The following CCDC146 variants were observed in gnomAD, a reference collection of about 807,000 sequenced individuals.
CCDC146 encodes the protein coiled-coil domain containing 146.
In CCDC146, 92 loss-of-function variants were observed where a neutral mutation model predicts 119.3. That is an observed-to-expected ratio of 0.77 (90% CI 0.65 to 0.92). The LOEUF is 0.92. Ranked by LOEUF, CCDC146 falls within the 40% of genes least tolerant of loss-of-function variation. CCDC146 has a pLI of 0.00. For synonymous variants in CCDC146, 372 were observed against 371.8 expected, an observed-to-expected ratio of 1.00 and a Z score of -0.01; for missense variants, 1,000 against 1,103.0, an observed-to-expected ratio of 0.91 and a Z score of 1.32.
At chr7:77,206,422 C>G (rs1792080757) in intron 2 of CCDC146, among the ~76,000 whole-genome samples, 1 of 151,972 alleles carries the variant, frequency 6.6e-6, no homozygotes. Context: ...TTCAACCAGC[C>G]CGGCCAATGT....
At chr7:77,143,722 T>G (rs909444181) in intron 1 of CCDC146, among the ~76,000 whole-genome samples, 2 of 151,696 alleles carry the variant, frequency 1.3e-5, no homozygotes, top group Non-Finnish European at 2.9e-5. Context: ...GACTGGATAG[T>G]TGTAGATGTG....
intron 2 of CCDC146, among the ~76,000 whole-genome samples, chr7:77,185,079 A>G (rs1289103269): frequency 6.6e-6 from 1 of 152,072 alleles, no homozygotes; most frequent in Non-Finnish European, 1.5e-5. Context: ...TGTAGATAAC[A>G]GAGGCTTTTT....
intron 15 of CCDC146, among the ~76,000 whole-genome samples, chr7:77,284,693 CA>C (rs1793818639): frequency 6.6e-6 from 1 of 150,854 alleles, no homozygotes; most frequent in South Asian, 2.1e-4. Flanking sequence ...AATGTAAATT[CA>C]CTTTTACCCA....
At chr7:77,237,447 T>A (rs1166846253) in intron 3 of CCDC146, among the ~76,000 whole-genome samples, 1 of 152,198 alleles carries the variant, frequency 6.6e-6, no homozygotes, top group Admixed American at 6.5e-5. Flanking sequence ...CAAACTTTGA[T>A]GGCCAGAGAC....
At chr7:77,132,607 C>G (rs1335312538) in intron 1 of CCDC146, among the ~76,000 whole-genome samples, 1 of 149,976 alleles carries the variant, frequency 6.7e-6, no homozygotes, top group Non-Finnish European at 1.5e-5. Context: ...CATGGTGGCA[C>G]ACACCTGTAG....
Position 77,133,689 on chromosome 7 carries a change from G to A in CCDC146, c.-12+10957G>A, listed in dbSNP as rs1444806789. On this transcript the variant is annotated intron_variant, in intron 1 of 18. Transcript: ENST00000285871. Reference sequence around the variant, plus strand: ...TTTTTTACCACTTTTATTCAGCATCGTACTGGAGGTCCCATACAATGCAAT... The same window carrying A: ...TTTTTTACCACTTTTATTCAGCATCATACTGGAGGTCCCATACAATGCAAT... Among the ~76,000 whole-genome samples the A allele has an allele frequency of 2.2e-5, 3 of 138,564 alleles. 1 individual carries two copies. In the East Asian group the frequency reaches 6.0e-4, roughly 28 times the overall value. The allele number at this position is 138,564 out of a possible 152,430, so 90.9% of individuals were successfully genotyped here.
chr7:77,156,223 A>G (rs906972996), intron 1 of CCDC146, among the ~76,000 whole-genome samples: 24 of 152,202 alleles, frequency 1.6e-4, no homozygotes, highest in Non-Finnish European at 7.3e-5. Context: ...AAGGCCAGAT[A>G]TGCACTTGAA....
chr7:77,213,501 G>A (rs147829329), intron 2 of CCDC146, among the ~76,000 whole-genome samples: 1 of 152,226 alleles, frequency 6.6e-6, no homozygotes, highest in East Asian at 1.9e-4. Flanking sequence ...TTTAAATTCA[G>A]AGGTTATATG....
intron 2 of CCDC146, among the ~76,000 whole-genome samples, chr7:77,191,389 C>T (rs1239398379): frequency 6.6e-6 from 1 of 152,142 alleles, no homozygotes; most frequent in Non-Finnish European, 1.5e-5. Context: ...ATAACTGTGG[C>T]CTCTTTAGAG....
In CCDC146 at chr7:77,294,463, G is replaced by GGTGTGTGTGTGT. The variant is rs61323999; in HGVS notation, c.2665-168_2665-157dup. Among the ~76,000 whole-genome samples the GGTGTGTGTGTGT allele has an allele frequency of 2.8e-3, 373 of 134,288 alleles. 3 individuals carry two copies. The highest frequency in any genetic ancestry group is 3.5e-3 in the East Asian group (16 of 4,586). 88.1% of individuals were successfully genotyped at this position (134,288 alleles called of 152,430 possible). On this transcript the variant is annotated intron_variant, in intron 18 of 18. Transcript: ENST00000285871. ...ATACAGCCCATGCCAATGAGAGGTA[G>GGTGTGTGTGTGT]GTGTGTGTGTGTGTGTGTGTGTGTG...
chr7:77,276,421 C>T (rs184180519), intron 11 of CCDC146, among the ~76,000 whole-genome samples: 88 of 152,186 alleles, frequency 5.8e-4, no homozygotes, highest in African/African-American at 1.9e-3. Flanking sequence ...ATTGCACAAC[C>T]CACTGCAGGC....
chr7:77,184,521 T>C (rs569897727), intron 2 of CCDC146, among the ~76,000 whole-genome samples: 1 of 152,222 alleles, frequency 6.6e-6, no homozygotes, highest in Non-Finnish European at 1.5e-5. Flanking sequence ...ACAATTTACT[T>C]GTAAATGACA....
chr7:77,284,278 T>C (rs17151008), intron 15 of CCDC146, among the ~76,000 whole-genome samples: 57,757 of 151,932 alleles, frequency 0.38, 13,063 homozygotes, highest in African/African-American at 0.63. Flanking sequence ...TTGGGGGCAC[T>C]GGAGACGCTT....
At chr7:77,267,539 T>A (rs75870683) in intron 9 of CCDC146, among the ~76,000 whole-genome samples, 6 of 131,618 alleles carry the variant, frequency 4.6e-5, no homozygotes, top group Non-Finnish European at 6.6e-5. Flanking sequence ...TTTTTTTTTT[T>A]AATCACTATA....
chr7:77,208,557 A>C (rs1197120161), intron 2 of CCDC146, among the ~76,000 whole-genome samples: 1 of 152,250 alleles, frequency 6.6e-6, no homozygotes, highest in Non-Finnish European at 1.5e-5. Context: ...TGTTGACCAA[A>C]ACATCTTTCT....
intron 2 of CCDC146, chr7:77,198,103 G>A (rs1562830289): frequency 2.0e-6 from 2 of 984,542 alleles, no homozygotes; most frequent in Non-Finnish European, 2.4e-6. Context: ...CTAATCTAAT[G>A]TATACCCACT....
At chr7:77,135,457 AAG>A (rs752064073) in intron 1 of CCDC146, among the ~76,000 whole-genome samples, 8 of 152,122 alleles carry the variant, frequency 5.3e-5, no homozygotes, top group Non-Finnish European at 5.9e-5. Flanking sequence ...TGAAAAAAAA[AAG>A]AGAGAGAAAG....
chr7:77,242,137 C>T (rs1792861923), intron 4 of CCDC146, among the ~76,000 whole-genome samples: 1 of 152,190 alleles, frequency 6.6e-6, no homozygotes, highest in Non-Finnish European at 1.5e-5. Context: ...TCAGGAAAGC[C>T]ATCTCATTGA....
At chr7:77,266,647 T>A (rs1003100220) in intron 9 of CCDC146, among the ~76,000 whole-genome samples, 1 of 152,176 alleles carries the variant, frequency 6.6e-6, no homozygotes, top group Non-Finnish European at 1.5e-5. Context: ...GAAGATGACA[T>A]CATCAGGCCC....
Sources: gnomAD v4.1 joint callset for allele counts (sites outside exome capture counted in the v4.1 genomes callset) on GRCh38, gnomAD v4.1.1 for gene constraint, MANE v1.5 for transcripts, NCBI Gene and HGNC (gene_info 2026-07-23, HGNC 2026-07-21) for gene names.